The following PLOD2 variants were observed in gnomAD, a reference collection of about 807,000 sequenced individuals.
The protein encoded by PLOD2 is lysine hydroxylase 2.
Under a neutral mutation model 101.0 loss-of-function variants are expected in PLOD2, and 65 were observed. The observed-to-expected ratio is 0.64, with a 90% CI of 0.53 to 0.79. PLOD2 has a LOEUF of 0.79. Among genes scored for constraint, PLOD2 ranks in the 30% least tolerant of loss-of-function variants. The pLI, the probability that PLOD2 is intolerant of heterozygous loss-of-function variation, is 0.00. For synonymous variants in PLOD2, 314 were observed against 302.9 expected, an observed-to-expected ratio of 1.04 and a Z score of -0.38; for missense variants, 909 against 914.6, an observed-to-expected ratio of 0.99 and a Z score of 0.08.
intron 1 of PLOD2, among the ~76,000 whole-genome samples, chr3:146,144,292 G>A (rs1173661468): frequency 6.6e-6 from 1 of 152,020 alleles, no homozygotes; most frequent in Non-Finnish European, 1.5e-5. Flanking sequence ...ATTTTAGCAA[G>A]TAAATAAATC....
Position 146,128,700 on chromosome 3 carries a change from C to T in PLOD2, c.110-4471G>A, listed in dbSNP as rs535344391. ...AAAGCTCTAGAAGAAAAAAAAAATG[C>T]ATTGTTGGAGTCATTTTTTTCTCCA... On this transcript the variant is annotated intron_variant, in intron 1 of 19. Transcript: ENST00000282903. 1.1e-3 allele frequency among the ~76,000 whole-genome samples: 162 copies of T among 151,560 alleles called. 1 individual carries two copies. The highest frequency in any genetic ancestry group is 3.5e-3 in the African/African-American group (146 of 41,156).
chr3:146,121,241 C>T lies in PLOD2; in HGVS notation c.209G>A (p.Gly70Asp). Residue 70 changes from glycine to aspartate, a missense_variant, in exon 3 of 20, where the codon GGT (glycine) becomes GAT (aspartate). By Grantham distance (94) the Gly-to-Asp change is moderately conservative. Transcript: ENST00000282903. ...ACCACCTCTCCATTCTTCTCCTTGACCAAGGACCTATAAACAAAATCAACA... is the reference window on the plus strand; with the variant it reads ...ACCACCTCTCCATTCTTCTCCTTGATCAAGGACCTATAAACAAAATCAACA... ...KYFNYTVKVL[G>D]QGEEWRGGDG... The T allele has an allele frequency of 1.9e-6, 3 of 1,612,088 alleles. No homozygotes were observed. Among genetic ancestry groups the T allele is most frequent in the Non-Finnish European group, 2.5e-6 (3 of 1,178,512 alleles).
At chr3:146,135,440 T>A (rs1001722346) in intron 1 of PLOD2, among the ~76,000 whole-genome samples, 4 of 152,206 alleles carry the variant, frequency 2.6e-5, no homozygotes, top group East Asian at 1.9e-4. Context: ...AAAACTGTCA[T>A]AAATTCTCAT....
rs73865331 is a variant in PLOD2, at chr3:146,160,566, G to A, written c.109+315C>T. Among the ~76,000 whole-genome samples the A allele has an allele frequency of 0.021, 3,162 of 152,244 alleles. 100 individuals are homozygous for A. The highest frequency in any genetic ancestry group is 0.072 in the African/African-American group (2,980 of 41,520). ...GCCAACTCTCGGAAAGGAGGGGAAA[G>A]GAGAGCTGCAGGAAAGGTGTTGGTG... is the stretch of plus-strand genomic sequence containing the variant. On this transcript the variant is annotated intron_variant, in intron 1 of 19. Transcript: ENST00000282903.
Position 146,081,665 on chromosome 3 carries a change from T to C in PLOD2, c.1358+73A>G, listed in dbSNP as rs114112088. On this transcript the variant is annotated intron_variant, in intron 12 of 19. Transcript: ENST00000282903. ...AAAAGAGATGAATGCAAAAAAAATT[T>C]CAAGTAATACTAACAAGACTACATC... The C allele has an allele frequency of 1.1e-3, 1,510 of 1,359,358 alleles. 12 individuals are homozygous for C. The African/African-American group carries it at 0.019, about 17-fold the overall frequency. 84.2% of individuals were successfully genotyped at this position (1,359,358 alleles called of 1,614,324 possible).
chr3:146,075,355 A>T (rs1936291432), intron 15 of PLOD2, among the ~76,000 whole-genome samples: 2 of 151,546 alleles, frequency 1.3e-5, no homozygotes, highest in African/African-American at 4.8e-5. Flanking sequence ...GCAAGGGGAA[A>T]ATCATTACAG....
intron 3 of PLOD2, among the ~76,000 whole-genome samples, chr3:146,114,868 C>A (rs1937829401): frequency 1.3e-5 from 2 of 152,156 alleles, no homozygotes; most frequent in African/African-American, 4.8e-5. Context: ...ACGCATCAAT[C>A]CCAACTGCGG....
intron 14 of PLOD2, 150 bp downstream of exon 14, chr3:146,077,712 C>T (rs931099986): frequency 1.1e-5 from 6 of 562,704 alleles, no homozygotes; most frequent in African/African-American, 7.6e-5. Context: ...CCAAGTCACA[C>T]AAAACACGCA....
intron 8 of PLOD2, among the ~76,000 whole-genome samples, chr3:146,091,577 A>G (rs1263566658): frequency 6.6e-6 from 1 of 151,784 alleles, no homozygotes; most frequent in East Asian, 1.9e-4. Flanking sequence ...TAACCACAGG[A>G]CTCTTTCATT....
At chr3:146,117,710 G>A (rs1479858641) in intron 3 of PLOD2, among the ~76,000 whole-genome samples, 1 of 152,048 alleles carries the variant, frequency 6.6e-6, no homozygotes, top group Non-Finnish European at 1.5e-5. Context: ...AATTTTATCT[G>A]TTTGTTTCCA....
Position 146,073,290 on chromosome 3 carries a change from T to G in PLOD2, c.1740A>C (p.Glu580Asp). 8.4e-7 allele frequency: 1 copy of G among 1,187,856 alleles called. No individual in the cohort carries two copies. Among genetic ancestry groups the G allele is most frequent in the Non-Finnish European group, 1.2e-6 (1 of 816,996 alleles). 73.6% of individuals were successfully genotyped at this position (1,187,856 alleles called of 1,614,324 possible). The change falls in exon 16 of 20, where the codon GAA (glutamate) becomes GAC (aspartate). Residue 580 changes from glutamate (E) to aspartate (D), a missense_variant. Coordinates refer to ENST00000282903, the MANE Select transcript of PLOD2 (RefSeq NM_182943.3). ...CTTTGTAATCATTAATACAAACCTG[T>G]TCAACTATATTTTCAGTGAAAATCT... is the stretch of plus-strand genomic sequence containing the variant. The part of the protein sequence containing the change: ...YSKIFTENIV[E>D]QPCPDVFWFP...
intron 7 of PLOD2, among the ~76,000 whole-genome samples, chr3:146,101,552 A>C (rs1937389920): frequency 6.6e-6 from 1 of 152,184 alleles, no homozygotes; most frequent in Admixed American, 6.5e-5. Flanking sequence ...AATGTCCACT[A>C]CTCAACAAAG....
chr3:146,070,965 C>CT, intron 19 of PLOD2, 77 bp downstream of exon 19: 1 of 1,502,696 alleles, frequency 6.7e-7, no homozygotes. Flanking sequence ...AAAAAAGAAA[C>CT]TAAGGCCTAA....
At chr3:146,097,037 CGG>C (rs1937208475) in intron 7 of PLOD2, among the ~76,000 whole-genome samples, 2 of 147,930 alleles carry the variant, frequency 1.4e-5, no homozygotes, top group Non-Finnish European at 1.5e-5. Flanking sequence ...CCGCCCCGTC[CGG>C]GAGGTGAGGG....
intron 1 of PLOD2, among the ~76,000 whole-genome samples, chr3:146,153,605 C>A (rs890117155): frequency 6.6e-6 from 1 of 152,090 alleles, no homozygotes; most frequent in East Asian, 1.9e-4. Context: ...CAGGCCAGAT[C>A]GATGCCCTAG....
At position 146,079,110 on chromosome 3, in the gene PLOD2, T is replaced by A; in HGVS notation, c.1500+6A>T. ...CATTCAAGCAAGCCATCACTGCATA[T>A]CTTACCATTTCTCTAGCATTTCGGC... On this transcript the variant is annotated splice_donor_region_variant and intron_variant, in intron 13 of 19. Coordinates refer to ENST00000282903, the MANE Select transcript of PLOD2 (RefSeq NM_182943.3). 1 of 1,612,298 alleles carries A rather than the reference T, an allele frequency of 6.2e-7. No individual in the cohort carries two copies. Among genetic ancestry groups the A allele is most frequent in the Non-Finnish European group, 8.5e-7 (1 of 1,178,624 alleles).
rs575552215 is a variant in PLOD2, at chr3:146,158,226, T to C, written c.109+2655A>G. Among the ~76,000 whole-genome samples the C allele has an allele frequency of 1.1e-4, 16 of 152,248 alleles. 1 individual carries two copies. The South Asian group carries it at 3.1e-3, about 30-fold the overall frequency. On this transcript the variant is annotated intron_variant, in intron 1 of 19. Transcript: ENST00000282903. ...TATGAACCTGATTTACTGGCACTGA[T>C]TAAGAAGGTTCTGCCTCTGAAAGCT...
At chr3:146,110,996 T>C (rs1465887928) in intron 3 of PLOD2, among the ~76,000 whole-genome samples, 2 of 152,040 alleles carry the variant, frequency 1.3e-5, no homozygotes, top group African/African-American at 4.8e-5. Context: ...TAAAGCTCAA[T>C]ACACTTGGGA....
At position 146,133,313 on chromosome 3, in the gene PLOD2, G is replaced by A. The variant is rs2031034061; in HGVS notation, c.110-9084C>T. Among the ~76,000 whole-genome samples the A allele has an allele frequency of 1.3e-5, 2 of 152,092 alleles. 1 individual carries two copies. Among genetic ancestry groups the A allele is most frequent in the South Asian group, 4.2e-4 (2 of 4,818 alleles). On this transcript the variant is annotated intron_variant, in intron 1 of 19. Transcript: ENST00000282903. ...ATGAGAAAACCTTGAAATAAATACA[G>A]TGACATTTAAATAAATTTACATTCT...
Sources: gnomAD v4.1 joint callset for allele counts (sites outside exome capture counted in the v4.1 genomes callset) on GRCh38, gnomAD v4.1.1 for gene constraint, MANE v1.5 for transcripts, NCBI Gene and HGNC (gene_info 2026-07-23, HGNC 2026-07-21) for gene names.